Variants in MED16 observed in about 807,000 individuals in gnomAD.
MED16 encodes the protein mediator complex subunit 16, also known as mediator of RNA polymerase II transcription subunit 16.
MED16 carries 81 observed loss-of-function variants against 84.4 expected under a neutral mutation model. The observed-to-expected ratio is 0.96, with a 90% CI of 0.80 to 1.15. The LOEUF (loss-of-function observed/expected upper bound fraction) is 1.15. Ranked by LOEUF, MED16 falls within the 50% of genes most tolerant of loss-of-function variation. The probability of loss-of-function intolerance (pLI) is 0.00; values close to 1 mark genes in which losing one functional copy is unlikely to be tolerated. For synonymous variants in MED16, 897 were observed against 552.2 expected, an observed-to-expected ratio of 1.62 and a Z score of -8.76; for missense variants, 1,585 against 1,245.9, an observed-to-expected ratio of 1.27 and a Z score of -4.10.
chr19:868,396 G>T lies in MED16; in HGVS notation c.2483+20C>A. 15 of 1,607,510 alleles carry T rather than the reference G, an allele frequency of 9.3e-6. No homozygotes were observed. Among genetic ancestry groups the T allele is most frequent in the Non-Finnish European group, 1.3e-5 (15 of 1,179,664 alleles). ...GCTCAGGGGTAGCTGAGGGGCACCC[G>T]CCACCAGAGCCCACCGCACAGGCAG... On this transcript the variant is annotated intron_variant, in intron 15 of 15. Transcript: ENST00000325464.
At chr19:883,710 G>A (rs1380821017) in intron 6 of MED16, among the ~76,000 whole-genome samples, 1 of 152,160 alleles carries the variant, frequency 6.6e-6, no homozygotes, top group African/African-American at 2.4e-5. Flanking sequence ...GCAGATGGTA[G>A]ACACAGACGT....
intron 8 of MED16, among the ~76,000 whole-genome samples, chr19:878,502 C>G (rs796311784): frequency 1.6e-4 from 14 of 89,534 alleles, no homozygotes; most frequent in South Asian, 3.9e-4. Flanking sequence ...TGCCCACCAG[C>G]CCCAGCCCCA....
At chr19:883,164 G>C (rs746759272) in intron 6 of MED16, among the ~76,000 whole-genome samples, 11 of 152,248 alleles carry the variant, frequency 7.2e-5, no homozygotes, top group Non-Finnish European at 1.2e-4. Context: ...TTGAGGCAGG[G>C]AGAAGCTAAG....
chr19:885,972 A>G lies in MED16; in HGVS notation c.677T>C (p.Ile226Thr). Residue 226 changes from isoleucine (I) to threonine (T), a missense_variant, in exon 5 of 16, where the codon ATC becomes ACC. Physicochemically the swap from Ile to Thr is moderately conservative, Grantham distance 89. Transcript: ENST00000325464. ...GCTGCCGTCCGCCGTGGCCACCACG[A>G]TGTTGCCGCCGCCGGTGAAGGCGAT... ...ADIAFTGGGN[I>T]VVATADGSSA... 6.2e-7 allele frequency: 1 copy of G among 1,611,210 alleles called. No homozygotes were observed. The highest frequency in any genetic ancestry group is 8.5e-7 in the Non-Finnish European group (1 of 1,179,408).
rs368370399 is a variant in MED16, at chr19:881,695, T to C, written c.1005A>G (p.Thr335=). The change falls in exon 7 of 16, where the codon ACA becomes ACG. Residue 335 remains threonine, a synonymous_variant. Coordinates refer to ENST00000325464, the MANE Select transcript of MED16 (RefSeq NM_005481.3). Reference sequence around the variant, plus strand: ...CCGATAGGATCCGCCATTTGAGAATTGTGGGCTGTTTGTCGCCAACTGAAA... The same window carrying C: ...CCGATAGGATCCGCCATTTGAGAATCGTGGGCTGTTTGTCGCCAACTGAAA... The part of the protein sequence containing the change: ...ISPVVGDKQP[T]ILKWRILSAT... The C allele has an allele frequency of 6.4e-5, 103 of 1,610,616 alleles. No individual in the cohort carries two copies. The highest frequency in any genetic ancestry group is 8.3e-5 in the Non-Finnish European group (98 of 1,178,360).
In MED16 at chr19:881,570, T is replaced by C; in HGVS notation, c.1130A>G (p.Tyr377Cys). The change falls in exon 7 of 16, where the codon TAC becomes TGC. Residue 377 changes from tyrosine to cysteine, a missense_variant. Coordinates refer to ENST00000325464, the MANE Select transcript of MED16 (RefSeq NM_005481.3). ...DLKVASDTQF[Y>C]PGLGLALAFH... ...TGGCTCCACCGTACCGAGGCCAGGG[T>C]AGAACTGTGTGTCGCTGGCCACCTT... The C allele has an allele frequency of 3.1e-6, 5 of 1,611,878 alleles. No individual in the cohort carries two copies. Among genetic ancestry groups the C allele is most frequent in the Non-Finnish European group, 4.2e-6 (5 of 1,179,748 alleles).
At chr19:883,430 G>A (rs1393476886) in intron 6 of MED16, among the ~76,000 whole-genome samples, 1 of 149,184 alleles carries the variant, frequency 6.7e-6, no homozygotes, top group Non-Finnish European at 1.5e-5. Flanking sequence ...GGGCACGTGG[G>A]GCGGTGCGTG....
rs2036201799 is a variant in MED16, at chr19:875,234, A to G, written c.1771+10T>C. The stretch of plus-strand genomic sequence containing the variant: ...AAACCTCGAGGCCCCGGGCGTGGAA[A>G]AGGACCCACCGACGTCGGTGATCTT... On this transcript the variant is annotated intron_variant, in intron 10 of 15. Transcript: ENST00000325464. 1.3e-6 allele frequency: 2 copies of G among 1,591,336 alleles called. No individual in the cohort carries two copies. The highest frequency in any genetic ancestry group is 1.1e-5 in the South Asian group (1 of 89,440).
chr19:877,546 G>C (rs1024130141), intron 8 of MED16, among the ~76,000 whole-genome samples: 4 of 151,530 alleles, frequency 2.6e-5, no homozygotes, highest in Non-Finnish European at 5.9e-5. Flanking sequence ...TCAACAAGAC[G>C]AACCCATCAC....
At chr19:886,475 C>T (rs771673602) in intron 4 of MED16, among the ~76,000 whole-genome samples, 33 of 152,218 alleles carry the variant, frequency 2.2e-4, no homozygotes, top group Non-Finnish European at 1.6e-4. Flanking sequence ...GTCACCTCCC[C>T]TTTCTGTAAA....
intron 13 of MED16, among the ~76,000 whole-genome samples, chr19:869,633 G>A (rs1599312673): frequency 6.6e-6 from 1 of 152,292 alleles, no homozygotes; most frequent in East Asian, 1.9e-4. Flanking sequence ...CCAAGCCAGG[G>A]CGCCTTCCCG....
At chr19:888,794 A>G (rs1453350425) in intron 4 of MED16, among the ~76,000 whole-genome samples, 3 of 152,210 alleles carry the variant, frequency 2.0e-5, no homozygotes, top group Non-Finnish European at 4.4e-5. Context: ...CGACAATGGC[A>G]GTCCCTGGGG....
At chr19:892,881 A>AGCGCCCCGCGCCCCGCGCCCCGC (rs1282768959) in intron 1 of MED16, 1 of 137,866 alleles carries the variant, frequency 7.3e-6, no homozygotes, top group East Asian at 2.4e-4. Context: ...CTGAGCCCCG[A>AGCGCCCCGCGCCCCGCGCCCCGC]GCCCCGCGCC....
rs200993578 is a variant in MED16, at chr19:890,987, T to C, written c.145A>G (p.Met49Val). 21 of 1,613,822 alleles carry C rather than the reference T, an allele frequency of 1.3e-5. No homozygotes were observed. The highest frequency in any genetic ancestry group is 5.3e-5 in the African/African-American group (4 of 75,022). ...CCCTGGTCATCGCTGCGCAGGTCCATGGTGAAGGCGATGAGATTTCGGCAG... is the reference window on the plus strand; with the variant it reads ...CCCTGGTCATCGCTGCGCAGGTCCACGGTGAAGGCGATGAGATTTCGGCAG... ...WSCRNLIAFTMDLRSDDQDLT... is the reference protein window; with the variant it reads ...WSCRNLIAFTVDLRSDDQDLT... Residue 49 changes from methionine (M) to valine (V), a missense_variant, in exon 2 of 16, where the codon ATG becomes GTG. Transcript: ENST00000325464.
intron 4 of MED16, among the ~76,000 whole-genome samples, chr19:888,524 CAA>C (rs34583289): frequency 1.0e-3 from 97 of 96,860 alleles, no homozygotes; most frequent in Middle Eastern, 5.5e-3. Flanking sequence ...ACTCTGTCTC[CAA>C]AAAAAAAAAA....
chr19:872,271 G>C (rs1332968243), intron 11 of MED16, among the ~76,000 whole-genome samples, 153 bp from the exon 12 acceptor site: 2 of 151,962 alleles, frequency 1.3e-5, no homozygotes, highest in Non-Finnish European at 2.9e-5. Context: ...CTGGCACCGA[G>C]TGGGTGGATG....
chr19:869,399 A>G (rs2145185644), intron 13 of MED16, among the ~76,000 whole-genome samples: 1 of 151,366 alleles, frequency 6.6e-6, no homozygotes, highest in African/African-American at 2.4e-5. Context: ...TCTGGTGGCA[A>G]AAGCTGCCCT....
At chr19:877,221 G>A (rs1158677637) in intron 8 of MED16, 41 bp from the exon 9 acceptor site, 1 of 1,568,590 alleles carries the variant, frequency 6.4e-7, no homozygotes, top group South Asian at 1.1e-5. Context: ...GTGAGATGGG[G>A]CTGCGCCCTC....
Position 868,077 on chromosome 19 carries a change from A to G in MED16, c.*24T>C. On this transcript the variant is annotated 3_prime_UTR_variant, in exon 16 of 16. Coordinates refer to ENST00000325464, the MANE Select transcript of MED16 (RefSeq NM_005481.3). ...GGAGACGCCCGAGCCGGGTCACCAC[A>G]AGGTCCGCCTGGACCCCCGGCCGTC... 1 of 1,585,456 alleles carries G rather than the reference A, an allele frequency of 6.3e-7. No homozygotes were observed. The highest frequency in any genetic ancestry group is 8.5e-7 in the Non-Finnish European group (1 of 1,170,318).
Sources: gnomAD v4.1 joint callset for allele counts (sites outside exome capture counted in the v4.1 genomes callset) on GRCh38, gnomAD v4.1.1 for gene constraint, MANE v1.5 for transcripts, NCBI Gene and HGNC (gene_info 2026-07-23, HGNC 2026-07-21) for gene names.